Variants in DNAAF9 observed in about 807,000 individuals in gnomAD.
The protein encoded by DNAAF9 is dynein axonemal assembly factor 9, also known as shulin.
Under a neutral mutation model 167.0 loss-of-function variants are expected in DNAAF9, and 90 were observed. The ratio of observed to expected loss-of-function variants is 0.54; its 90% confidence interval spans 0.45 to 0.64. The LOEUF is 0.64. Ranked by LOEUF, DNAAF9 falls within the 30% of genes least tolerant of loss-of-function variation. The probability of loss-of-function intolerance (pLI) is 0.00; values close to 1 mark genes in which losing one functional copy is unlikely to be tolerated. For synonymous variants in DNAAF9, 491 were observed against 508.8 expected, an observed-to-expected ratio of 0.96 and a Z score of 0.47; for missense variants, 1,315 against 1,442.2, an observed-to-expected ratio of 0.91 and a Z score of 1.43.
chr20:3,378,311 C>T (rs2083602576), intron 3 of DNAAF9, among the ~76,000 whole-genome samples: 1 of 152,190 alleles, frequency 6.6e-6, no homozygotes, highest in African/African-American at 2.4e-5. Flanking sequence ...AACGATACTG[C>T]TTGTCCCTTT....
intron 29 of DNAAF9, among the ~76,000 whole-genome samples, chr20:3,277,469 A>G (rs1028258615): frequency 6.6e-6 from 1 of 152,122 alleles, no homozygotes; most frequent in African/African-American, 2.4e-5. Flanking sequence ...TGACTTCCAA[A>G]TACGTATCTT....
At position 3,316,713 on chromosome 20, in the gene DNAAF9, T is replaced by C. The variant is rs1340292919; in HGVS notation, c.1539+10A>G. The stretch of plus-strand genomic sequence containing the variant: ...CGTAGGTCCACTTCCACCTGATGAA[T>C]GACACTAACCAGCCAGGAGCAGAAT... On this transcript the variant is annotated intron_variant, in intron 18 of 36. Transcript: ENST00000252032. The C allele has an allele frequency of 1.2e-6, 2 of 1,607,340 alleles. No individual in the cohort carries two copies. Among genetic ancestry groups the C allele is most frequent in the Non-Finnish European group, 1.7e-6 (2 of 1,174,070 alleles).
intron 8 of DNAAF9, 110 bp downstream of exon 8, chr20:3,348,415 T>C (rs6139087): frequency 0.19 from 104,549 of 549,192 alleles, 10,501 homozygotes; most frequent in African/African-American, 0.28. Context: ...CTTAAAGAAA[T>C]GACAAATTAG....
intron 20 of DNAAF9, chr20:3,306,771 T>C (rs2122997976): frequency 3.5e-6 from 1 of 286,922 alleles, no homozygotes. Context: ...CCGTAGCCTG[T>C]TCACTGCTGT....
chr20:3,322,531 C>A lies in DNAAF9; in HGVS notation c.1310+121G>T, dbSNP rs1446155113. 3 of 862,080 alleles carry A rather than the reference C, an allele frequency of 3.5e-6. No individual in the cohort carries two copies. The African/African-American group carries it at 4.9e-5, about 14-fold the overall frequency. The allele number at this position is 862,080 out of a possible 1,614,324, so 53.4% of individuals were successfully genotyped here. A position where few individuals can be genotyped will look rare whatever the true frequency, so the allele number is the denominator to read the frequency against. ...GAGCACAGCCAGCCCAAGCCCAACCCTGGAGTGATGTCACTGCTAGGTGTG... is the reference window on the plus strand; with the variant it reads ...GAGCACAGCCAGCCCAAGCCCAACCATGGAGTGATGTCACTGCTAGGTGTG... On this transcript the variant is annotated intron_variant, in intron 15 of 36. Transcript: ENST00000252032.
chr20:3,311,320 G>C lies in DNAAF9; in HGVS notation c.1678+3713C>G, dbSNP rs557564522. Among the ~76,000 whole-genome samples, 472 of 149,782 alleles carry C rather than the reference G, an allele frequency of 3.2e-3. 2 individuals are homozygous for C. Among genetic ancestry groups the C allele is most frequent in the African/African-American group, 0.011 (444 of 40,836 alleles). On this transcript the variant is annotated intron_variant, in intron 20 of 36. Coordinates refer to ENST00000252032, the MANE Select transcript of DNAAF9 (RefSeq NM_001009984.3). The stretch of plus-strand genomic sequence containing the variant: ...CATGCCTGGCTAATTTTTTTTTTTT[G>C]GGTAGAGATGGGGTCTCACTGGTCT...
chr20:3,257,742 T>C (rs2068306726), intron 33 of DNAAF9, among the ~76,000 whole-genome samples: 1 of 151,832 alleles, frequency 6.6e-6, no homozygotes, highest in African/African-American at 2.4e-5. Context: ...TTTGCTCTTG[T>C]TGCCCAAGCT....
intron 29 of DNAAF9, among the ~76,000 whole-genome samples, chr20:3,275,436 G>C (rs1225333787): frequency 6.6e-6 from 1 of 152,330 alleles, no homozygotes; most frequent in East Asian, 1.9e-4. Flanking sequence ...CCAAGAAAAG[G>C]CTGGGATCTG....
chr20:3,326,272 G>T lies in DNAAF9; in HGVS notation c.1113C>A (p.Ser371=). Residue 371 remains serine, a synonymous_variant, in exon 13 of 37, where the codon TCC becomes TCA. Coordinates refer to ENST00000252032, the MANE Select transcript of DNAAF9 (RefSeq NM_001009984.3). ...PKKTEQIRLL[S]QIYAAVIEAV... The stretch of plus-strand genomic sequence containing the variant: ...CCTCAATAACAGCAGCATATATCTG[G>T]GACAATAGCCTACTTTAAAAACAAA... The T allele has an allele frequency of 1.2e-6, 2 of 1,611,436 alleles. No individual in the cohort carries two copies. The highest frequency in any genetic ancestry group is 1.7e-4 in the Middle Eastern group (1 of 6,050).
chr20:3,294,217 C>T lies in DNAAF9; in HGVS notation c.2160G>A (p.Glu720=). The T allele has an allele frequency of 1.9e-6, 3 of 1,613,330 alleles. No individual in the cohort carries two copies. Among genetic ancestry groups the T allele is most frequent in the Non-Finnish European group, 2.5e-6 (3 of 1,179,306 alleles). ...QHFAISSISQ[E]PVMRTHLPVL... ...CAGGAAGATGGGTCCGCATCACAGG[C>T]TCCTGGCTAATGCTGCTGATGGCGA... The change falls in exon 25 of 37, where the codon GAG becomes GAA. Residue 720 remains glutamate, a synonymous_variant. Transcript: ENST00000252032.
intron 23 of DNAAF9, among the ~76,000 whole-genome samples, chr20:3,294,870 C>G (rs926420925): frequency 4.0e-5 from 6 of 151,780 alleles, no homozygotes; most frequent in Admixed American, 3.9e-4. Flanking sequence ...GATTTCACCT[C>G]TCCTTTTTTT....
intron 24 of DNAAF9, 42 bp downstream of exon 24, chr20:3,294,486 A>G (rs1394078005): frequency 1.4e-6 from 2 of 1,379,530 alleles, no homozygotes; most frequent in African/African-American, 1.4e-5. Flanking sequence ...GACATTTCAA[A>G]AGCCAGAATA....
At chr20:3,389,468 A>G (rs2083796137) in intron 1 of DNAAF9, among the ~76,000 whole-genome samples, 2 of 152,042 alleles carry the variant, frequency 1.3e-5, no homozygotes, top group South Asian at 2.1e-4. Flanking sequence ...AAATTTTTTT[A>G]GAAGTTAAAA....
rs369781510 is a variant in DNAAF9, at chr20:3,340,588, G to A, written c.897C>T (p.Asn299=). Residue 299 remains asparagine (N), a synonymous_variant, in exon 10 of 37, where the codon AAC becomes AAT. Coordinates refer to ENST00000252032, the MANE Select transcript of DNAAF9 (RefSeq NM_001009984.3). ...GGAAGTTAAAGTTGCCAGCATTCAG[G>A]TTTTCTCGTGTGGAGTGATTACCAA... ...VLFGNHSTRE[N]LNAGNFNFPS... is the part of the protein sequence containing the mutation. 2 of 1,613,774 alleles carry A rather than the reference G, an allele frequency of 1.2e-6. No individual in the cohort carries two copies. The highest frequency in any genetic ancestry group is 1.1e-5 in the South Asian group (1 of 91,070).
At chr20:3,278,439 G>A (rs1448674967) in intron 29 of DNAAF9, among the ~76,000 whole-genome samples, 1 of 152,174 alleles carries the variant, frequency 6.6e-6, no homozygotes, top group Non-Finnish European at 1.5e-5. Flanking sequence ...GACAAGCTCA[G>A]GCCAGGCGCC....
At position 3,250,983 on chromosome 20, in the gene DNAAF9, A is replaced by C. The variant is rs1052968562; in HGVS notation, c.*1589T>G. 6.6e-6 allele frequency: 1 copy of C among 152,200 alleles called. No individual in the cohort carries two copies. The highest frequency in any genetic ancestry group is 6.5e-5 in the Admixed American group (1 of 15,288). 9.4% of individuals were successfully genotyped at this position (152,200 alleles called of 1,614,324 possible). ...CGGACCGCAGCCTCTGGCCAGCCAG[A>C]AGTCAGGGGGCTCCCAGACTTAGGT... is the stretch of plus-strand genomic sequence containing the variant. On this transcript the variant is annotated 3_prime_UTR_variant, in exon 37 of 37. Transcript: ENST00000252032.
chr20:3,265,212 C>CATA (rs1482694392), intron 30 of DNAAF9, among the ~76,000 whole-genome samples: 2 of 152,156 alleles, frequency 1.3e-5, no homozygotes, highest in Non-Finnish European at 2.9e-5. Context: ...GAAGCATGAA[C>CATA]ATACATCCAC....
intron 29 of DNAAF9, among the ~76,000 whole-genome samples, chr20:3,272,312 C>T (rs1028396112): frequency 6.6e-6 from 1 of 152,092 alleles, no homozygotes; most frequent in African/African-American, 2.4e-5. Flanking sequence ...GAAGCATTGA[C>T]CTCCTGGGCT....
intron 29 of DNAAF9, among the ~76,000 whole-genome samples, chr20:3,272,796 T>A (rs558616874): frequency 6.6e-6 from 1 of 152,150 alleles, no homozygotes; most frequent in African/African-American, 2.4e-5. Context: ...ACCCATTTAC[T>A]AATAGAGAGT....
Sources: allele counts gnomAD v4.1 joint callset (sites outside exome capture counted in the v4.1 genomes callset), GRCh38; gene constraint gnomAD v4.1.1; transcripts MANE v1.5; gene names NCBI Gene and HGNC (gene_info 2026-07-23, HGNC 2026-07-21).